MRPS27: variants seen among roughly 807,000 people sequenced by gnomAD.
MRPS27 encodes the protein small ribosomal subunit protein mS27.
Under a neutral mutation model 48.9 loss-of-function variants are expected in MRPS27, and 43 were observed. The ratio of observed to expected loss-of-function variants is 0.88; its 90% confidence interval spans 0.69 to 1.13. The LOEUF is 1.13. Ranked by LOEUF, MRPS27 falls within the 50% of genes most tolerant of loss-of-function variation. MRPS27 has a pLI of 0.00. For synonymous variants in MRPS27, 188 were observed against 171.9 expected, an observed-to-expected ratio of 1.09 and a Z score of -0.73; for missense variants, 467 against 476.3, an observed-to-expected ratio of 0.98 and a Z score of 0.18.
intron 4 of MRPS27, among the ~76,000 whole-genome samples, chr5:72,268,686 T>C (rs1478342494): frequency 6.6e-6 from 1 of 152,192 alleles, no homozygotes; most frequent in Non-Finnish European, 1.5e-5. Context: ...CCTCTTTGAT[T>C]TACTTTCTTC....
In MRPS27 at chr5:72,256,593, T is replaced by G. The variant is rs16876032; in HGVS notation, c.282-18465A>C. Among the ~76,000 whole-genome samples, 1,320 of 152,350 alleles carry G rather than the reference T, an allele frequency of 8.7e-3. 27 individuals are homozygous for G. Among genetic ancestry groups the G allele is most frequent in the African/African-American group, 0.029 (1,201 of 41,580 alleles). On this transcript the variant is annotated intron_variant, in intron 4 of 10. Coordinates refer to ENST00000261413, the MANE Select transcript of MRPS27 (RefSeq NM_015084.3). ...ATTGCCCTCTTCCTTTTCACCCAGC[T>G]ATCCAAAGTCACTTTAAAACTGCAG...
chr5:72,291,900 G>A (rs1749829135), intron 4 of MRPS27, among the ~76,000 whole-genome samples: 3 of 152,304 alleles, frequency 2.0e-5, no homozygotes, highest in Middle Eastern at 3.4e-3. Flanking sequence ...AAGACAGCTT[G>A]AAAACCACTC....
chr5:72,248,232 C>T (rs1166433416), intron 4 of MRPS27, among the ~76,000 whole-genome samples: 1 of 152,154 alleles, frequency 6.6e-6, no homozygotes, highest in African/African-American at 2.4e-5. Flanking sequence ...AAATTCTTAA[C>T]AATGACCAAA....
intron 4 of MRPS27, among the ~76,000 whole-genome samples, chr5:72,255,946 A>T (rs1490701330): frequency 1.3e-5 from 2 of 152,210 alleles, no homozygotes; most frequent in African/African-American, 4.8e-5. Flanking sequence ...TATCTCAATT[A>T]AGATTAACCT....
chr5:72,259,026 C>G (rs970406168), intron 4 of MRPS27, among the ~76,000 whole-genome samples: 1 of 152,146 alleles, frequency 6.6e-6, no homozygotes, highest in Non-Finnish European at 1.5e-5. Flanking sequence ...CTCTCTCCCC[C>G]TCCCCCAACC....
At chr5:72,317,935 A>AT (rs927007698) in intron 1 of MRPS27, among the ~76,000 whole-genome samples, 12 of 152,276 alleles carry the variant, frequency 7.9e-5, no homozygotes, top group Non-Finnish European at 1.3e-4. Context: ...TGGGGTGTCC[A>AT]TTTTTTTGGC....
chr5:72,256,168 A>G (rs894231122), intron 4 of MRPS27, among the ~76,000 whole-genome samples: 24 of 152,320 alleles, frequency 1.6e-4, no homozygotes, highest in East Asian at 5.8e-4. Flanking sequence ...TATCCCTTCA[A>G]TGACTATAAT....
chr5:72,317,603 C>G (rs1392429779), intron 1 of MRPS27, among the ~76,000 whole-genome samples: 1 of 152,170 alleles, frequency 6.6e-6, no homozygotes, highest in Admixed American at 6.5e-5. Flanking sequence ...GTCTCAAACT[C>G]CTGACCTCAG....
chr5:72,312,808 C>T (rs569575158), intron 2 of MRPS27, among the ~76,000 whole-genome samples: 3 of 151,788 alleles, frequency 2.0e-5, no homozygotes, highest in Admixed American at 6.6e-5. Flanking sequence ...TTTTAACAGA[C>T]GGGGTTTCAT....
intron 4 of MRPS27, chr5:72,241,762 G>T: frequency 7.0e-7 from 1 of 1,438,720 alleles, no homozygotes; most frequent in Non-Finnish European, 9.4e-7. Context: ...AAACAGACTG[G>T]CTTTTGTTCT....
At chr5:72,267,653 A>T (rs1167788552) in intron 4 of MRPS27, among the ~76,000 whole-genome samples, 1 of 152,240 alleles carries the variant, frequency 6.6e-6, no homozygotes, top group African/African-American at 2.4e-5. Flanking sequence ...AAAATCAAAT[A>T]AGATATAACC....
intron 4 of MRPS27, among the ~76,000 whole-genome samples, chr5:72,252,199 T>C (rs972579157): frequency 6.6e-6 from 1 of 152,246 alleles, no homozygotes; most frequent in Non-Finnish European, 1.5e-5. Flanking sequence ...ACCACAGCTT[T>C]TGATTATCTC....
chr5:72,314,646 T>TC (rs1750522781), intron 1 of MRPS27: 1 of 154,172 alleles, frequency 6.5e-6, no homozygotes, highest in Non-Finnish European at 1.4e-5. Context: ...TGCCTCAGCC[T>TC]CCCAAGTAGT....
intron 4 of MRPS27, among the ~76,000 whole-genome samples, chr5:72,246,598 G>A (rs1748518513): frequency 6.6e-6 from 1 of 152,172 alleles, no homozygotes; most frequent in South Asian, 2.1e-4. Context: ...CAAGTAAACT[G>A]GGGATAAGGG....
intron 5 of MRPS27, among the ~76,000 whole-genome samples, chr5:72,237,155 A>G (rs981201935): frequency 2.0e-4 from 31 of 151,936 alleles, no homozygotes; most frequent in Admixed American, 5.9e-4. Context: ...GCCTTTACAA[A>G]TATTCTTGTG....
intron 9 of MRPS27, among the ~76,000 whole-genome samples, chr5:72,225,138 C>T (rs1372445713): frequency 6.6e-6 from 1 of 152,178 alleles, no homozygotes; most frequent in Non-Finnish European, 1.5e-5. Context: ...GTACTGACTA[C>T]AGCAGGGTTA....
rs779540355 is a variant in MRPS27, at chr5:72,238,119, G to A, written c.291C>T (p.His97=). ...TTCTCAGGTACCAGCAGTTGGGGCT[G>A]TGTCGAAACCTAAATAAGCACAAGA... ...HAEYYLYKFR[H]SPNCWYLRNW... The change falls in exon 5 of 11, where the codon CAC becomes CAT. Residue 97 remains histidine, a synonymous_variant. Coordinates refer to ENST00000261413, the MANE Select transcript of MRPS27 (RefSeq NM_015084.3). 1 of 1,612,756 alleles carries A rather than the reference G, an allele frequency of 6.2e-7. No individual in the cohort carries two copies.
At chr5:72,310,593 G>T (rs1750419278) in intron 2 of MRPS27, among the ~76,000 whole-genome samples, 1 of 152,194 alleles carries the variant, frequency 6.6e-6, no homozygotes, top group Non-Finnish European at 1.5e-5. Flanking sequence ...AAGAGTTCTT[G>T]CTTATAGTAG....
In MRPS27 at chr5:72,314,089, T is replaced by A; in HGVS notation, c.143A>T (p.Tyr48Phe). 6.2e-7 allele frequency: 1 copy of A among 1,612,368 alleles called. No individual in the cohort carries two copies. The highest frequency in any genetic ancestry group is 1.1e-5 in the South Asian group (1 of 90,948). The change falls in exon 2 of 11, where the codon TAC (tyrosine) becomes TTC (phenylalanine). Residue 48 changes from tyrosine (Y) to phenylalanine (F), a missense_variant. Tyr to Phe is a conservative substitution (Grantham distance 22). Transcript: ENST00000261413. The part of the protein sequence containing the change: ...HKWEAREKEH[Y>F]CLADLASLMD... Reference sequence around the variant, plus strand: ...GTCCAATAGGTACCTACCAAGACAGTAATGTTCTTTTTCTCTTGCTTCCCA... The same window carrying A: ...GTCCAATAGGTACCTACCAAGACAGAAATGTTCTTTTTCTCTTGCTTCCCA...
Sources: gnomAD v4.1 joint callset for allele counts (sites outside exome capture counted in the v4.1 genomes callset) on GRCh38, gnomAD v4.1.1 for gene constraint, MANE v1.5 for transcripts, NCBI Gene and HGNC (gene_info 2026-07-23, HGNC 2026-07-21) for gene names.